PDE4D: variants seen among roughly 807,000 people sequenced by gnomAD.
PDE4D encodes 3',5'-cyclic-AMP phosphodiesterase 4D.
PDE4D carries 24 observed loss-of-function variants against 87.4 expected under a neutral mutation model. That is an observed-to-expected ratio of 0.27 (90% CI 0.20 to 0.39). The LOEUF is 0.39. Among genes scored for constraint, PDE4D ranks in the 10% least tolerant of loss-of-function variants. The pLI is 1.00. For synonymous variants in PDE4D, 384 were observed against 383.2 expected (o/e 1.00, Z -0.02); for missense variants, 714 against 1,041.0 (o/e 0.69, Z 4.32).
intron 2 of PDE4D, among the ~76,000 whole-genome samples, chr5:60,179,889 T>C (rs1784242227): frequency 6.6e-6 from 1 of 152,172 alleles, no homozygotes; most frequent in African/African-American, 2.4e-5. Flanking sequence ...ACTCCACCAG[T>C]TATGCTTTTC....
chr5:60,026,691 C>T (rs970846191), intron 2 of PDE4D, among the ~76,000 whole-genome samples: 2 of 152,126 alleles, frequency 1.3e-5, no homozygotes, highest in African/African-American at 4.8e-5. Flanking sequence ...TCACTTCTAG[C>T]CCCATGCAAC....
chr5:59,269,667 G>A (rs1246304802), intron 1 of PDE4D, among the ~76,000 whole-genome samples: 1 of 152,002 alleles, frequency 6.6e-6, no homozygotes, highest in African/African-American at 2.4e-5. Context: ...GAGAGGGTTT[G>A]AATTTGGGGT....
At chr5:59,471,124 G>C (rs1443698433) in intron 1 of PDE4D, among the ~76,000 whole-genome samples, 3 of 152,044 alleles carry the variant, frequency 2.0e-5, no homozygotes, top group African/African-American at 7.2e-5. Flanking sequence ...ATGCATCTGT[G>C]GTCATAGCTA....
At chr5:60,337,658 C>A (rs1583461301) in intron 1 of PDE4D, among the ~76,000 whole-genome samples, 1 of 151,910 alleles carries the variant, frequency 6.6e-6, no homozygotes, top group South Asian at 2.1e-4. Context: ...GTACACTACT[C>A]GGTATCAGAC....
intron 1 of PDE4D, among the ~76,000 whole-genome samples, chr5:59,826,965 T>C (rs1770402032): frequency 6.6e-6 from 1 of 152,022 alleles, no homozygotes; most frequent in African/African-American, 2.4e-5. Context: ...CAGGAGAGGA[T>C]TGATAGAATT....
At chr5:59,744,272 C>T (rs957051636) in intron 1 of PDE4D, among the ~76,000 whole-genome samples, 1 of 152,110 alleles carries the variant, frequency 6.6e-6, no homozygotes, top group Non-Finnish European at 1.5e-5. Context: ...TCCCACTGTA[C>T]TGTATGCAAG....
intron 1 of PDE4D, among the ~76,000 whole-genome samples, chr5:59,563,834 T>C (rs1456009291): frequency 2.6e-5 from 4 of 152,102 alleles, no homozygotes; most frequent in Non-Finnish European, 5.9e-5. Context: ...GCACATTACA[T>C]ACATGAAAAG....
intron 2 of PDE4D, among the ~76,000 whole-genome samples, chr5:60,064,237 C>T (rs1408125989): frequency 3.3e-5 from 5 of 151,944 alleles, no homozygotes; most frequent in Admixed American, 6.6e-5. Context: ...CCAAAGAATG[C>T]TCGAAATAAT....
At chr5:59,662,355 T>C (rs1319754069) in intron 1 of PDE4D, among the ~76,000 whole-genome samples, 2 of 152,248 alleles carry the variant, frequency 1.3e-5, no homozygotes, top group African/African-American at 4.8e-5. Context: ...GGACAAGGTA[T>C]ACTGCAACAC....
chr5:59,926,927 G>C (rs1476725536), intron 3 of PDE4D, among the ~76,000 whole-genome samples: 1 of 152,166 alleles, frequency 6.6e-6, no homozygotes, highest in East Asian at 1.9e-4. Flanking sequence ...CCTCACTGCT[G>C]CATTTTACCA....
At chr5:60,065,976 T>C (rs934639289) in intron 2 of PDE4D, among the ~76,000 whole-genome samples, 7 of 152,164 alleles carry the variant, frequency 4.6e-5, no homozygotes, top group Non-Finnish European at 1.0e-4. Context: ...GGTCAAATGG[T>C]ATTTCTAGTT....
chr5:60,459,144 G>C (rs1746723263), intron 1 of PDE4D, among the ~76,000 whole-genome samples: 1 of 152,114 alleles, frequency 6.6e-6, no homozygotes, highest in Admixed American at 6.6e-5. Flanking sequence ...AATTACAATA[G>C]AGAAAGTCAA....
At chr5:59,827,786 A>T (rs1176917293) in intron 1 of PDE4D, among the ~76,000 whole-genome samples, 1 of 152,098 alleles carries the variant, frequency 6.6e-6, no homozygotes, top group Non-Finnish European at 1.5e-5. Context: ...TCTCCACAAA[A>T]TGCCCTCCAT....
chr5:60,298,150 TAA>T lies in PDE4D; in HGVS notation c.-89-112465_-89-112464del, dbSNP rs5868233. Among the ~76,000 whole-genome samples, 523 of 141,926 alleles carry T rather than the reference TAA, an allele frequency of 3.7e-3. 1 individual carries two copies. Among genetic ancestry groups the T allele is most frequent in the African/African-American group, 0.013 (491 of 39,244 alleles). 93.1% of individuals were successfully genotyped at this position (141,926 alleles called of 152,430 possible). On this transcript the variant is annotated intron_variant, in intron 1 of 16. Coordinates refer to the PDE4D transcript ENST00000502484. ...AATCAACAAGCATCTACCAGAAAAA[TAA>T]AAAAAAAAAAGATTACAGGAAAAAA...
chr5:59,199,490 T>G (rs1746243223), intron 2 of PDE4D, among the ~76,000 whole-genome samples: 1 of 152,148 alleles, frequency 6.6e-6, no homozygotes, highest in Admixed American at 6.6e-5. Context: ...ATTAGGAAAT[T>G]GATAAACATA....
chr5:60,180,229 C>T (rs981234995), intron 2 of PDE4D, among the ~76,000 whole-genome samples: 1 of 152,190 alleles, frequency 6.6e-6, no homozygotes, highest in Non-Finnish European at 1.5e-5. Context: ...AGTCGCTGTT[C>T]TTTCAGACCT....
chr5:60,499,545 G>A (rs1266655460), intron 1 of PDE4D, among the ~76,000 whole-genome samples: 1 of 152,078 alleles, frequency 6.6e-6, no homozygotes, highest in Non-Finnish European at 1.5e-5. Context: ...AGAAAAAAAA[G>A]CAATCTCATG....
chr5:59,700,437 G>C (rs184425328), intron 1 of PDE4D, among the ~76,000 whole-genome samples: 227 of 152,194 alleles, frequency 1.5e-3, no homozygotes, highest in Middle Eastern at 3.4e-3. Flanking sequence ...TGACTTTGCA[G>C]AGATTAAATA....
intron 1 of PDE4D, among the ~76,000 whole-genome samples, chr5:59,388,529 T>C (rs1787557857): frequency 6.6e-6 from 1 of 151,946 alleles, no homozygotes; most frequent in African/African-American, 2.4e-5. Context: ...CAAAAAGATA[T>C]TTGCACTCCC....
Sources: allele counts gnomAD v4.1 joint callset (sites outside exome capture counted in the v4.1 genomes callset), GRCh38; gene constraint gnomAD v4.1.1; transcripts MANE v1.5; gene names NCBI Gene and HGNC (gene_info 2026-07-23, HGNC 2026-07-21).